The following CLVS1 variants were observed in gnomAD, a reference collection of about 807,000 sequenced individuals.
CLVS1 encodes clavesin 1.
Under a neutral mutation model 33.1 loss-of-function variants are expected in CLVS1, and 10 were observed. That is an observed-to-expected ratio of 0.30 (90% confidence interval 0.19 to 0.51). The LOEUF is 0.51. CLVS1 is among the 20% of genes least tolerant of loss of function. CLVS1 has a pLI of 0.97. For missense variants in CLVS1, 343 were observed against 433.4 expected, an observed-to-expected ratio of 0.79 and a Z score of 1.85; for synonymous variants, 163 against 166.1, an observed-to-expected ratio of 0.98 and a Z score of 0.14.
intron 2 of CLVS1, among the ~76,000 whole-genome samples, chr8:61,258,040 T>G (rs1425429226): frequency 6.6e-6 from 1 of 152,106 alleles, no homozygotes. Context: ...AAGAAATGCA[T>G]GAAGGAAAGC....
intron 2 of CLVS1, among the ~76,000 whole-genome samples, chr8:61,316,541 G>A (rs1425447172): frequency 6.6e-6 from 1 of 152,150 alleles, no homozygotes; most frequent in Non-Finnish European, 1.5e-5. Flanking sequence ...ATTGATTGCT[G>A]TATCCTAACT....
intron 2 of CLVS1, among the ~76,000 whole-genome samples, chr8:61,257,382 G>A (rs1358216238): frequency 6.6e-6 from 1 of 152,146 alleles, no homozygotes; most frequent in African/African-American, 2.4e-5. Flanking sequence ...ATTTTATTAA[G>A]TTTTAAATAT....
At chr8:61,296,126 A>G (rs573998984) in intron 1 of CLVS1, among the ~76,000 whole-genome samples, 2 of 152,272 alleles carry the variant, frequency 1.3e-5, no homozygotes, top group African/African-American at 2.4e-5. Context: ...AATATTATCA[A>G]TTGAAGTTGT....
chr8:61,113,379 C>A (rs1045234386), intron 1 of CLVS1, among the ~76,000 whole-genome samples: 1 of 152,146 alleles, frequency 6.6e-6, no homozygotes, highest in African/African-American at 2.4e-5. Context: ...TTGAGTGGTG[C>A]AGATGGGTCC....
At chr8:61,402,879 AT>A (rs1436216384) in intron 3 of CLVS1, among the ~76,000 whole-genome samples, 13 of 152,246 alleles carry the variant, frequency 8.5e-5, no homozygotes, top group African/African-American at 2.9e-4. Flanking sequence ...TAAAGGATAC[AT>A]TGTGCATACA....
At position 61,501,399 on chromosome 8, in the gene CLVS1, A is replaced by ATAT. The variant is rs1804909191; in HGVS notation, c.*1861_*1863dup. ...CTGTAGTGACCTGATTTTAAATACC[A>ATAT]TATTATATTTACTAAGTTAAGAGCT... On this transcript the variant is annotated 3_prime_UTR_variant, in exon 6 of 6. Transcript: ENST00000325897. 6.6e-6 allele frequency: 1 copy of ATAT among 152,180 alleles called. No individual in the cohort carries two copies. Among genetic ancestry groups the ATAT allele is most frequent in the African/African-American group, 2.4e-5 (1 of 41,452 alleles). 9.4% of individuals were successfully genotyped at this position (152,180 alleles called of 1,614,324 possible). A position where few individuals can be genotyped will look rare whatever the true frequency, so the allele number is the denominator to read the frequency against.
intron 5 of CLVS1, among the ~76,000 whole-genome samples, chr8:61,473,255 A>T (rs539129704): frequency 6.6e-6 from 1 of 151,790 alleles, no homozygotes; most frequent in African/African-American, 2.4e-5. Flanking sequence ...TTACTGATTA[A>T]TTATAAGATG....
chr8:61,368,614 T>C (rs1330448210), intron 2 of CLVS1, among the ~76,000 whole-genome samples: 1 of 152,216 alleles, frequency 6.6e-6, no homozygotes, highest in Non-Finnish European at 1.5e-5. Flanking sequence ...TTGCAATGAC[T>C]CTAGCTGTTT....
the CLVS1 span, among the ~76,000 whole-genome samples, chr8:61,031,049 A>C: frequency 6.6e-6 from 1 of 152,234 alleles, no homozygotes; most frequent in Non-Finnish European, 1.5e-5. Context: ...CTCTGAGTCT[A>C]TGAAGCTCTG....
At chr8:61,314,764 T>G (rs539551198) in intron 2 of CLVS1, among the ~76,000 whole-genome samples, 7 of 152,314 alleles carry the variant, frequency 4.6e-5, no homozygotes, top group African/African-American at 1.4e-4. Context: ...ATATCTTTTT[T>G]GTTGTTGTTG....
chr8:61,113,326 T>G (rs1457986451), intron 1 of CLVS1, among the ~76,000 whole-genome samples: 2 of 152,210 alleles, frequency 1.3e-5, no homozygotes, highest in African/African-American at 4.8e-5. Flanking sequence ...ACCCACAGGC[T>G]GCTGAGTCCT....
intron 1 of CLVS1, among the ~76,000 whole-genome samples, chr8:61,122,540 G>A (rs73685733): frequency 0.024 from 3,632 of 149,476 alleles, 126 homozygotes; most frequent in African/African-American, 0.08. Flanking sequence ...GTCCTACAAC[G>A]TGTGAATGAC....
rs4033854 is a variant in CLVS1 at position 61,086,035 on chromosome 8, C to CAA, written c.-243+28846_-243+28847dup. 1.5e-3 allele frequency among the ~76,000 whole-genome samples: 47 copies of CAA among 31,248 alleles called. 3 individuals carry two copies. Among genetic ancestry groups the CAA allele is most frequent in the African/African-American group, 3.6e-3 (25 of 6,916 alleles). 20.5% of individuals were successfully genotyped at this position (31,248 alleles called of 152,430 possible). A position where few individuals can be genotyped will look rare whatever the true frequency, so the allele number is the denominator to read the frequency against. On this transcript the variant is annotated intron_variant, in intron 1 of 2. Coordinates refer to the CLVS1 transcript ENST00000522621. Reference sequence around the variant, plus strand: ...TGGGCGACAGAGCGAGACTCCCTCTCAAAAAAAAAAAAAAAAAAAAAAAAA... The same window carrying CAA: ...TGGGCGACAGAGCGAGACTCCCTCTCAAAAAAAAAAAAAAAAAAAAAAAAAAA...
At chr8:60,966,938 G>A in the CLVS1 span, among the ~76,000 whole-genome samples, 1 of 152,020 alleles carries the variant, frequency 6.6e-6, no homozygotes, top group South Asian at 2.1e-4. Context: ...AATAGAGGGG[G>A]TTTAAAATGC....
intron 1 of CLVS1, among the ~76,000 whole-genome samples, chr8:61,087,127 G>A (rs922736122): frequency 6.6e-6 from 1 of 152,204 alleles, no homozygotes; most frequent in African/African-American, 2.4e-5. Context: ...CTGGGCCAGT[G>A]AGCTGTTCTG....
chr8:61,077,431 C>T (rs186787872), intron 1 of CLVS1, among the ~76,000 whole-genome samples: 112 of 146,682 alleles, frequency 7.6e-4, no homozygotes, highest in Non-Finnish European at 1.3e-3. Context: ...AGTCAAGGGA[C>T]CCTCTAAAAG....
chr8:61,495,764 CAG>C (rs1804245855), intron 5 of CLVS1, among the ~76,000 whole-genome samples: 5 of 152,172 alleles, frequency 3.3e-5, no homozygotes, highest in Admixed American at 2.6e-4. Context: ...CAGAAGCAAA[CAG>C]AGCAAAAAAC....
chr8:61,362,389 G>T (rs564034029), intron 2 of CLVS1, among the ~76,000 whole-genome samples: 1 of 152,290 alleles, frequency 6.6e-6, no homozygotes, highest in South Asian at 2.1e-4. Context: ...AAGTCTCACA[G>T]ACATGTCAAG....
intron 2 of CLVS1, among the ~76,000 whole-genome samples, chr8:61,262,394 C>G (rs878881289): frequency 6.6e-6 from 1 of 152,020 alleles, no homozygotes; most frequent in Admixed American, 6.5e-5. Context: ...AACGTATAGT[C>G]CTTCCAGGCA....
Sources: allele counts gnomAD v4.1 joint callset (sites outside exome capture counted in the v4.1 genomes callset), GRCh38; gene constraint gnomAD v4.1.1; transcripts MANE v1.5; gene names NCBI Gene and HGNC (gene_info 2026-07-23, HGNC 2026-07-21).